The following CFAP46 variants were observed in gnomAD, a reference collection of about 807,000 sequenced individuals.
CFAP46 encodes cilia- and flagella-associated protein 46.
CFAP46 carries 245 observed loss-of-function variants against 325.7 expected under a neutral mutation model. The observed-to-expected ratio is 0.75, with a 90% CI of 0.68 to 0.84. The LOEUF (loss-of-function observed/expected upper bound fraction) is 0.84, where lower values mean the gene tolerates loss of function less well. CFAP46 is among the 40% of genes least tolerant of loss of function. The pLI, the probability that CFAP46 is intolerant of heterozygous loss-of-function variation, is 0.00. For synonymous variants in CFAP46, 1,523 were observed against 1,495.9 expected, an observed-to-expected ratio of 1.02 and a Z score of -0.42; for missense variants, 3,346 against 3,543.0, an observed-to-expected ratio of 0.94 and a Z score of 1.41.
Position 132,860,482 on chromosome 10 carries a change from GAT to G in CFAP46, c.5131_5132del (p.Ile1711ProfsTer38). On this transcript the variant is annotated frameshift_variant, in exon 37 of 58. Transcript: ENST00000368586. LOFTEE classifies it high-confidence loss of function. ...ATCGGTTTGGTCTTTCTTTCTTGAG[GAT>G]CTTGAAGGCATTGATGAGCTTCTGA... Reference protein sequence around the residue: ...IFQKLINAFKILKKERPNRLP... With the variant: ...IFQKLINAFKXLKKERPNRLP... The G allele has an allele frequency of 6.4e-7, 1 of 1,551,190 alleles. No individual in the cohort carries two copies. Among genetic ancestry groups the G allele is most frequent in the Non-Finnish European group, 8.7e-7 (1 of 1,147,102 alleles).
Position 132,847,444 on chromosome 10 carries a change from C to A in CFAP46, c.5953-123G>T. The A allele has an allele frequency of 1.7e-6, 2 of 1,171,364 alleles. No homozygotes were observed. Among genetic ancestry groups the A allele is most frequent in the Non-Finnish European group, 2.5e-6 (2 of 812,338 alleles). 72.6% of individuals were successfully genotyped at this position (1,171,364 alleles called of 1,614,324 possible). A position where few individuals can be genotyped will look rare whatever the true frequency, so the allele number is the denominator to read the frequency against. On this transcript the variant is annotated intron_variant, in intron 41 of 57. Transcript: ENST00000368586. This position sits in a 1 kb window ranked among gnomAD's most constrained non-coding sequence, Gnocchi z 5.2. ...AGCAGGGTCCCCGGGTAGGGGGTAC[C>A]GCAGGCCACAGCATGGCCTCTCACT...
At chr10:132,824,572 T>C (rs545807392) in intron 50 of CFAP46, among the ~76,000 whole-genome samples, 1 of 127,010 alleles carries the variant, frequency 7.9e-6, no homozygotes, top group East Asian at 2.5e-4. Context: ...GTGTGTGTGC[T>C]GTGTGCTGTG....
At chr10:132,855,552 T>A (rs376620857) in intron 39 of CFAP46, among the ~76,000 whole-genome samples, 4 of 152,250 alleles carry the variant, frequency 2.6e-5, no homozygotes, top group African/African-American at 9.6e-5. Context: ...TCTAAGGTTA[T>A]CATCTTGCTG....
rs1216548786 is a variant in CFAP46, at chr10:132,886,405, G to A, written c.3305-446C>T. Among the ~76,000 whole-genome samples, 5 of 152,118 alleles carry A rather than the reference G, an allele frequency of 3.3e-5. No homozygotes were observed. The highest frequency in any genetic ancestry group is 1.9e-4 in the East Asian group (1 of 5,182). ...TGCCCGCAGCACGGGAACAATCCCC[G>A]AGTCTCCACGCAGGCAGCGGAGCCA... On this transcript the variant is annotated intron_variant, in intron 25 of 57. Coordinates refer to ENST00000368586, the MANE Select transcript of CFAP46 (RefSeq NM_001200049.3). This position sits in a 1 kb window ranked among gnomAD's most constrained non-coding sequence, Gnocchi z 5.8.
In CFAP46 at chr10:132,922,642, C is replaced by A. The variant is rs1008097057; in HGVS notation, c.1323G>T (p.Arg441=). ...EMAQIEEDED[R]LEPATEHLRK... is the part of the protein sequence containing the mutation. ...GGAGGTGCTCCGTGGCGGGCTCCAG[C>A]CGGTCCTCGTCCTCCTCGATCTGCG... Residue 441 remains arginine (R), a synonymous_variant, in exon 12 of 58, where the codon CGG becomes CGT. Coordinates refer to ENST00000368586, the MANE Select transcript of CFAP46 (RefSeq NM_001200049.3). The A allele has an allele frequency of 5.8e-5, 90 of 1,549,928 alleles. No homozygotes were observed. In the East Asian group the frequency reaches 1.5e-3, roughly 27 times the overall value.
At position 132,827,760 on chromosome 10, in the gene CFAP46, C is replaced by G. The variant is rs757187012; in HGVS notation, c.7117+5598G>C. 9.2e-5 allele frequency among the ~76,000 whole-genome samples: 14 copies of G among 151,556 alleles called. No homozygotes were observed. Among genetic ancestry groups the G allele is most frequent in the Non-Finnish European group, 1.8e-4 (12 of 67,882 alleles). ...CCCTCCCTCCTGCACCCACGACCCT[C>G]CCCCAACTTCTCCTGCAGCCCCAGC... On this transcript the variant is annotated intron_variant, in intron 50 of 57. Transcript: ENST00000368586. This position sits in a 1 kb window ranked among gnomAD's most constrained non-coding sequence, Gnocchi z 5.7.
intron 9 of CFAP46, 100 bp from the exon 10 acceptor site, chr10:132,926,766 G>C: frequency 1.1e-6 from 1 of 869,668 alleles, no homozygotes; most frequent in African/African-American, 1.7e-5. Flanking sequence ...ACTGGGTAGA[G>C]GTTTAACAAA....
intron 44 of CFAP46, among the ~76,000 whole-genome samples, chr10:132,840,856 G>A (rs1057357400): frequency 2.6e-5 from 4 of 152,130 alleles, no homozygotes; most frequent in East Asian, 1.9e-4. Flanking sequence ...GTGGCCCAGC[G>A]CTGTTCGGTT....
At chr10:132,864,640 CT>C (rs145465020) in intron 35 of CFAP46, among the ~76,000 whole-genome samples, 131 of 27,328 alleles carry the variant, frequency 4.8e-3, no homozygotes, top group African/African-American at 0.017. Flanking sequence ...ACCTGTCCCC[CT>C]GCCTGAGACC....
chr10:132,869,253 G>A lies in CFAP46; in HGVS notation c.4610+21C>T, dbSNP rs749788155. On this transcript the variant is annotated intron_variant, in intron 33 of 57. Coordinates refer to ENST00000368586, the MANE Select transcript of CFAP46 (RefSeq NM_001200049.3). The surrounding 1 kb of genome is among the most constrained non-coding windows in gnomAD (Gnocchi z 6.2). ...GGGCGAGACTCAAACCCCAGGCGGC[G>A]CAGGGTGGGACGGCACACACCTGGC... 226 of 1,502,470 alleles carry A rather than the reference G, an allele frequency of 1.5e-4. 1 individual carries two copies. Among genetic ancestry groups the A allele is most frequent in the Admixed American group, 3.7e-4 (18 of 48,886 alleles). The allele number at this position is 1,502,470 out of a possible 1,614,324, so 93.1% of individuals were successfully genotyped here. A position where few individuals can be genotyped will look rare whatever the true frequency, so the allele number is the denominator to read the frequency against.
At chr10:132,906,819 A>G (rs1849463717) in intron 22 of CFAP46, among the ~76,000 whole-genome samples, 1 of 145,146 alleles carries the variant, frequency 6.9e-6, no homozygotes, top group South Asian at 2.2e-4. Flanking sequence ...GGGCAATGAG[A>G]AGAGTGAACG....
chr10:132,845,718 G>A (rs1848422510), intron 44 of CFAP46, among the ~76,000 whole-genome samples: 2 of 152,232 alleles, frequency 1.3e-5, no homozygotes, highest in Non-Finnish European at 2.9e-5. Context: ...ACGGAGGCAG[G>A]GAACATGCAG....
chr10:132,832,995 C>G lies in CFAP46; in HGVS notation c.7117+363G>C. Among the ~76,000 whole-genome samples, 1 of 152,094 alleles carries G rather than the reference C, an allele frequency of 6.6e-6. No homozygotes were observed. Among genetic ancestry groups the G allele is most frequent in the East Asian group, 1.9e-4 (1 of 5,196 alleles). On this transcript the variant is annotated intron_variant, in intron 50 of 57. Transcript: ENST00000368586. The surrounding 1 kb of genome is among the most constrained non-coding windows in gnomAD (Gnocchi z 4.1). ...ATATACATATATATTTTATTTTTGA[C>G]AGGGTCTCACTCTGTTGCCCAGGCT...
chr10:132,826,445 C>T (rs1848054139), intron 50 of CFAP46, among the ~76,000 whole-genome samples: 1 of 91,262 alleles, frequency 1.1e-5, no homozygotes, highest in African/African-American at 3.4e-5. Context: ...GCCACGGAGC[C>T]AGGCAGGAGC....
At chr10:132,937,434 G>T (rs779840863) in intron 6 of CFAP46, 118 bp downstream of exon 6, 7 of 1,163,438 alleles carry the variant, frequency 6.0e-6, no homozygotes, top group Non-Finnish European at 7.5e-6. Flanking sequence ...GTTCATGTAT[G>T]TATGCATATA....
intron 22 of CFAP46, among the ~76,000 whole-genome samples, chr10:132,908,115 C>A (rs180827250): frequency 6.6e-6 from 1 of 152,232 alleles, no homozygotes; most frequent in Non-Finnish European, 1.5e-5. Flanking sequence ...CAGCTTTCCA[C>A]GGGGCCACTG....
At chr10:132,854,123 A>C (rs1416105285) in intron 39 of CFAP46, among the ~76,000 whole-genome samples, 1 of 151,478 alleles carries the variant, frequency 6.6e-6, no homozygotes, top group Non-Finnish European at 1.5e-5. Context: ...ATCTTTTCCC[A>C]TTTCTCCTAC....
At position 132,916,459 on chromosome 10, in the gene CFAP46, G is replaced by C. The variant is rs1342305541; in HGVS notation, c.2120+90C>G. 2.9e-6 allele frequency: 4 copies of C among 1,378,638 alleles called. No individual in the cohort carries two copies. The East Asian group carries it at 8.6e-5, about 30-fold the overall frequency. The allele number at this position is 1,378,638 out of a possible 1,614,324, so 85.4% of individuals were successfully genotyped here. A position where few individuals can be genotyped will look rare whatever the true frequency, so the allele number is the denominator to read the frequency against. ...AAGCCGGTGTCCTTACGAATGCAAA[G>C]GGTGTCCCTCCCCACGCCAGCCTGA... On this transcript the variant is annotated intron_variant, in intron 17 of 57. Coordinates refer to ENST00000368586, the MANE Select transcript of CFAP46 (RefSeq NM_001200049.3).
intron 49 of CFAP46, 22 bp from the exon 50 acceptor site, chr10:132,833,547 A>T: frequency 6.2e-7 from 1 of 1,602,560 alleles, no homozygotes; most frequent in South Asian, 1.1e-5. Context: ...CAGTGCAGGG[A>T]GATCAGCTCC....
Sources: gnomAD v4.1 joint callset for allele counts (sites outside exome capture counted in the v4.1 genomes callset) on GRCh38, gnomAD v4.1.1 for gene constraint, Gnocchi (gnomAD v3.1) non-coding constraint, MANE v1.5 for transcripts, NCBI Gene and HGNC (gene_info 2026-07-23, HGNC 2026-07-21) for gene names.